Variants in GPHN observed in about 807,000 individuals in gnomAD.
GPHN encodes gephyrin.
A neutral mutation model predicts 95.5 loss-of-function variants in GPHN; 17 were observed. The ratio of observed to expected loss-of-function variants is 0.18; its 90% CI spans 0.12 to 0.27. The LOEUF (loss-of-function observed/expected upper bound fraction) is 0.27. Among genes scored for constraint, GPHN ranks in the 10% least tolerant of loss-of-function variants. GPHN has a pLI of 1.00. For missense variants in GPHN, 660 were observed against 978.1 expected (o/e 0.67, Z 4.34); for synonymous variants, 320 against 322.5 (o/e 0.99, Z 0.08).
chr14:66,599,943 A>G lies in GPHN; in HGVS notation c.65-81164A>G, dbSNP rs893781557. 5.7e-4 allele frequency among the ~76,000 whole-genome samples: 86 copies of G among 152,048 alleles called. 1 individual carries two copies. Among genetic ancestry groups the G allele is most frequent in the African/African-American group, 2.0e-3 (84 of 41,432 alleles). ...TTTTGGTAATTATGTATGATGTTGA[A>G]TTATGTCACTTGAATTTTTAGCAGT... On this transcript the variant is annotated intron_variant, in intron 1 of 22. Coordinates refer to ENST00000478722, the MANE Select transcript of GPHN (RefSeq NM_020806.5).
chr14:67,118,432 A>C (rs1175392032), intron 16 of GPHN, among the ~76,000 whole-genome samples: 1 of 152,146 alleles, frequency 6.6e-6, no homozygotes, highest in Admixed American at 6.5e-5. Context: ...GTGTCCAAAG[A>C]TTTATCCCTC....
chr14:67,186,637 A>G (rs1188020938), downstream of GPHN, among the ~76,000 whole-genome samples: 5 of 152,114 alleles, frequency 3.3e-5, no homozygotes, highest in Admixed American at 3.3e-4. Flanking sequence ...TGAGAATGTC[A>G]AAAACAAAAA....
intron 1 of GPHN, among the ~76,000 whole-genome samples, chr14:66,548,783 T>C (rs897486908): frequency 6.6e-6 from 1 of 152,312 alleles, no homozygotes. Flanking sequence ...TACTAAAAAC[T>C]GAGACAGGTG....
chr14:67,417,608 A>ATT, the GPHN span, among the ~76,000 whole-genome samples: 50 of 151,274 alleles, frequency 3.3e-4, no homozygotes, highest in African/African-American at 1.1e-3. Context: ...ATTAAAAAAA[A>ATT]TTTTTTTTTG....
chr14:67,199,870 G>A, the GPHN span: 30 of 1,490,848 alleles, frequency 2.0e-5, no homozygotes, highest in Non-Finnish European at 2.4e-5. Flanking sequence ...TCCTGGGGCT[G>A]CAGGACATGG....
the GPHN span, chr14:67,376,718 A>C: frequency 2.2e-6 from 2 of 907,390 alleles, no homozygotes; most frequent in South Asian, 1.7e-5. Context: ...TTGGCCAGTA[A>C]ATGGGCCAAT....
At chr14:66,685,817 T>C (rs964056947) in intron 2 of GPHN, among the ~76,000 whole-genome samples, 2 of 152,250 alleles carry the variant, frequency 1.3e-5, no homozygotes, top group African/African-American at 4.8e-5. Context: ...ATGAAGTCCT[T>C]GCCCATGCCT....
the GPHN span, chr14:67,617,291 T>C: frequency 6.6e-6 from 1 of 152,166 alleles, no homozygotes; most frequent in Non-Finnish European, 1.5e-5. Context: ...TTTGTTTTTG[T>C]TTTTGTTTTT....
intron 8 of GPHN, among the ~76,000 whole-genome samples, chr14:66,925,466 C>G (rs1364074898): frequency 6.6e-6 from 1 of 151,970 alleles, no homozygotes; most frequent in African/African-American, 2.4e-5. Context: ...ATTCTACCAT[C>G]TTTATCTCCG....
intron 1 of GPHN, among the ~76,000 whole-genome samples, chr14:66,543,645 A>AGTATTTGTC (rs1331419761): frequency 6.6e-6 from 1 of 152,174 alleles, no homozygotes; most frequent in African/African-American, 2.4e-5. Flanking sequence ...CTCTTCCTAG[A>AGTATTTGTC]GTATTTGTCA....
chr14:67,554,394 G>A, the GPHN span, among the ~76,000 whole-genome samples: 1 of 152,222 alleles, frequency 6.6e-6, no homozygotes, highest in African/African-American at 2.4e-5. Context: ...TTAGAGAGGA[G>A]GTTGGGCTGG....
chr14:66,680,843 C>T (rs976419139), intron 1 of GPHN, among the ~76,000 whole-genome samples: 18 of 151,628 alleles, frequency 1.2e-4, no homozygotes, highest in Admixed American at 2.6e-4. Flanking sequence ...ACATTTAGAC[C>T]GACATGTTTA....
intron 1 of GPHN, among the ~76,000 whole-genome samples, chr14:66,582,911 G>T (rs1430823706): frequency 6.6e-6 from 1 of 152,106 alleles, no homozygotes; most frequent in Non-Finnish European, 1.5e-5. Context: ...GTAACGGGAT[G>T]GCTGGGTCAA....
At chr14:66,848,527 C>A (rs1275306255) in intron 4 of GPHN, among the ~76,000 whole-genome samples, 1 of 152,020 alleles carries the variant, frequency 6.6e-6, no homozygotes, top group Non-Finnish European at 1.5e-5. Context: ...AACAAGAAAA[C>A]TGGTTTTCAA....
intron 4 of GPHN, chr14:66,842,780 C>T: frequency 8.7e-7 from 1 of 1,147,520 alleles, no homozygotes. Context: ...GTTTTGGTTT[C>T]TTTTATCATC....
intron 1 of GPHN, among the ~76,000 whole-genome samples, chr14:66,597,606 C>T (rs1288899065): frequency 6.6e-6 from 1 of 152,076 alleles, no homozygotes; most frequent in East Asian, 1.9e-4. Context: ...CTTCCTAGGC[C>T]CTTGAGAGTG....
chr14:67,635,183 G>A, the GPHN span, among the ~76,000 whole-genome samples: 3 of 152,198 alleles, frequency 2.0e-5, no homozygotes, highest in Non-Finnish European at 1.5e-5. Context: ...GGTTGAGGCT[G>A]CAGTGAGCCA....
the GPHN span, chr14:67,270,435 A>T: frequency 1.3e-5 from 2 of 148,904 alleles, no homozygotes; most frequent in East Asian, 3.9e-4. Context: ...TTTCTTTCTT[A>T]TTTTTTTTTT....
intron 4 of GPHN, among the ~76,000 whole-genome samples, chr14:66,842,332 G>A (rs2062133371): frequency 6.6e-6 from 1 of 152,028 alleles, no homozygotes; most frequent in Middle Eastern, 3.4e-3. Flanking sequence ...ACAAAGAGTG[G>A]AAGGGATCCC....
Sources: gnomAD v4.1 joint callset for allele counts (sites outside exome capture counted in the v4.1 genomes callset) on GRCh38, gnomAD v4.1.1 for gene constraint, MANE v1.5 for transcripts, NCBI Gene and HGNC (gene_info 2026-07-23, HGNC 2026-07-21) for gene names.